PCDH15: variants seen among roughly 807,000 people sequenced by gnomAD.
PCDH15 encodes protocadherin related 15.
Under a neutral mutation model 178.5 loss-of-function variants are expected in PCDH15, and 129 were observed. That is an observed-to-expected ratio of 0.72 (90% CI 0.63 to 0.84). The LOEUF (loss-of-function observed/expected upper bound fraction) is 0.84. Ranked by LOEUF, PCDH15 falls within the 40% of genes least tolerant of loss-of-function variation. The pLI is 0.00. For synonymous variants in PCDH15, 800 were observed against 732.0 expected, an observed-to-expected ratio of 1.09 and a Z score of -1.50; for missense variants, 2,230 against 2,099.9, an observed-to-expected ratio of 1.06 and a Z score of -1.21.
At chr10:54,433,537 AG>A in intron 3 of PCDH15, among the ~76,000 whole-genome samples, 1 of 152,242 alleles carries the variant, frequency 6.6e-6, no homozygotes, top group Admixed American at 6.5e-5. Context: ...AGAGATAGAG[AG>A]TAGAAGCCTT....
intron 10 of PCDH15, among the ~76,000 whole-genome samples, chr10:54,198,912 A>G (rs1487964238): frequency 6.6e-6 from 1 of 152,188 alleles, no homozygotes; most frequent in African/African-American, 2.4e-5. Flanking sequence ...AGGAGGATGA[A>G]AAAAGCAAAA....
intron 2 of PCDH15, among the ~76,000 whole-genome samples, chr10:55,541,560 A>T (rs1050115486): frequency 4.1e-4 from 62 of 151,938 alleles, no homozygotes; most frequent in African/African-American, 1.5e-3. Context: ...TTTTTATTTA[A>T]TTTATATTAT....
intron 8 of PCDH15, among the ~76,000 whole-genome samples, chr10:54,274,202 G>A (rs1282377680): frequency 6.6e-6 from 1 of 151,826 alleles, no homozygotes; most frequent in Non-Finnish European, 1.5e-5. Context: ...GCTTAATACC[G>A]GGGTGATGAA....
At chr10:54,190,489 G>A (rs966706470) in intron 11 of PCDH15, among the ~76,000 whole-genome samples, 3 of 152,132 alleles carry the variant, frequency 2.0e-5, no homozygotes, top group Admixed American at 2.0e-4. Flanking sequence ...CTGCAGCCTC[G>A]AACCAGTGGG....
At chr10:55,068,298 T>C (rs1302644327) in intron 2 of PCDH15, among the ~76,000 whole-genome samples, 2 of 152,088 alleles carry the variant, frequency 1.3e-5, no homozygotes, top group African/African-American at 4.8e-5. Flanking sequence ...GATAGGGGTC[T>C]AGTTTTATTC....
At chr10:54,601,024 T>C (rs2092502277) in intron 2 of PCDH15, among the ~76,000 whole-genome samples, 1 of 152,150 alleles carries the variant, frequency 6.6e-6, no homozygotes. Flanking sequence ...AAGAAAGCTA[T>C]ATATGAATAA....
At chr10:55,138,417 T>C (rs1361635762) in intron 2 of PCDH15, among the ~76,000 whole-genome samples, 2 of 152,156 alleles carry the variant, frequency 1.3e-5, no homozygotes, top group Non-Finnish European at 2.9e-5. Flanking sequence ...GCAACTCTAA[T>C]AGAGTATTCT....
chr10:53,859,612 T>C (rs897835610), intron 27 of PCDH15, among the ~76,000 whole-genome samples: 1 of 151,914 alleles, frequency 6.6e-6, no homozygotes, highest in Non-Finnish European at 1.5e-5. Flanking sequence ...CCTTCAAAAA[T>C]AGACCCTTCA....
chr10:54,051,460 C>T (rs193177652), intron 18 of PCDH15, among the ~76,000 whole-genome samples: 286 of 152,188 alleles, frequency 1.9e-3, no homozygotes, highest in Middle Eastern at 0.01. Context: ...ATGGGGAACT[C>T]GTTGGGAAAT....
Position 53,806,906 on chromosome 10 carries a change from T to C in PCDH15, c.4896A>G (p.Gly1632=). The C allele has an allele frequency of 6.2e-7, 1 of 1,613,820 alleles. No individual in the cohort carries two copies. Among genetic ancestry groups the C allele is most frequent in the Non-Finnish European group, 8.5e-7 (1 of 1,179,802 alleles). Residue 1632 remains glycine, a synonymous_variant, in exon 38 of 38, where the codon GGA becomes GGG. Transcript: ENST00000644397. The part of the protein sequence containing the change: ...NLKVASPVRL[G]GPFKKLDKLA... ...ACTTGTCTAGTTTCTTAAAGGGCCCTCCCAGTCGAACAGGGGAAGCAACTT... is the reference window on the plus strand; with the variant it reads ...ACTTGTCTAGTTTCTTAAAGGGCCCCCCCAGTCGAACAGGGGAAGCAACTT...
At chr10:54,779,398 A>C (rs534389010) in intron 1 of PCDH15, among the ~76,000 whole-genome samples, 408 of 79,826 alleles carry the variant, frequency 5.1e-3, no homozygotes, top group East Asian at 0.045. Flanking sequence ...CTCTCTCTAT[A>C]TATATATGTA....
chr10:54,781,974 C>T (rs1950402836), intron 1 of PCDH15, among the ~76,000 whole-genome samples: 1 of 152,092 alleles, frequency 6.6e-6, no homozygotes, highest in Non-Finnish European at 1.5e-5. Context: ...GCAAGAAAAA[C>T]TCATTGGCAA....
At position 53,827,405 on chromosome 10, in the gene PCDH15, C is replaced by G. The variant is rs1564551946; in HGVS notation, c.4355G>C (p.Gly1452Ala). The part of the protein sequence containing the change: ...PPGAHLYEEL[G>A]DSSIWSFCWQ... The stretch of plus-strand genomic sequence containing the variant: ...ACGGTCTACTTACATTGAGCTGTCT[C>G]CAAGTTCTTCATAGAGATGCGCACC... The change falls in exon 32 of 38, where the codon GGA becomes GCA. Residue 1452 changes from glycine (G) to alanine (A), a missense_variant. Physicochemically the swap from Gly to Ala is moderately conservative, Grantham distance 60. Coordinates refer to ENST00000644397, the MANE Select transcript of PCDH15 (RefSeq NM_001384140.1). 1 of 1,612,648 alleles carries G rather than the reference C, an allele frequency of 6.2e-7. No homozygotes were observed. The highest frequency in any genetic ancestry group is 1.7e-4 in the Middle Eastern group (1 of 6,054).
chr10:54,145,768 C>A (rs1404392889), intron 14 of PCDH15, among the ~76,000 whole-genome samples: 1 of 152,030 alleles, frequency 6.6e-6, no homozygotes, highest in Non-Finnish European at 1.5e-5. Flanking sequence ...AGAGGTGGGA[C>A]TCATGGGCTA....
intron 2 of PCDH15, among the ~76,000 whole-genome samples, chr10:55,056,722 T>G (rs1242505522): frequency 2.0e-5 from 3 of 151,508 alleles, no homozygotes. Flanking sequence ...AACCTCCACC[T>G]CCCAGATTCA....
intron 13 of PCDH15, among the ~76,000 whole-genome samples, chr10:54,178,055 G>C (rs186397708): frequency 1.3e-5 from 2 of 152,002 alleles, no homozygotes; most frequent in East Asian, 3.9e-4. Context: ...TTTGAAGAAC[G>C]TTAATTTTTA....
chr10:54,153,708 T>C (rs1025676003), intron 13 of PCDH15, among the ~76,000 whole-genome samples: 1 of 152,178 alleles, frequency 6.6e-6, no homozygotes, highest in African/African-American at 2.4e-5. Context: ...GAAATAGGCA[T>C]AGTCGGCCTT....
At chr10:55,511,040 T>G (rs1358675398) in intron 2 of PCDH15, among the ~76,000 whole-genome samples, 1 of 150,546 alleles carries the variant, frequency 6.6e-6, no homozygotes, top group East Asian at 2.0e-4. Context: ...GTTTTTTTTG[T>G]TTGTTTGTTT....
At chr10:55,061,760 C>T (rs765051316) in intron 2 of PCDH15, among the ~76,000 whole-genome samples, 4 of 152,168 alleles carry the variant, frequency 2.6e-5, no homozygotes, top group Admixed American at 1.3e-4. Context: ...GTGGCTTACG[C>T]CTGTAATCCC....
Sources: gnomAD v4.1 joint callset for allele counts (sites outside exome capture counted in the v4.1 genomes callset) on GRCh38, gnomAD v4.1.1 for gene constraint, MANE v1.5 for transcripts, NCBI Gene and HGNC (gene_info 2026-07-23, HGNC 2026-07-21) for gene names.